Variants in ROBO2 observed in about 807,000 individuals in gnomAD.
The protein encoded by ROBO2 is roundabout homolog 2.
ROBO2 carries 53 observed loss-of-function variants against 160.8 expected under a neutral mutation model. That is an observed-to-expected ratio of 0.33 (90% CI 0.26 to 0.41). The LOEUF is 0.41. Among genes scored for constraint, ROBO2 ranks in the 10% least tolerant of loss-of-function variants. ROBO2 has a pLI of 1.00. For synonymous variants in ROBO2, 664 were observed against 611.7 expected (o/e 1.09, Z -1.26); for missense variants, 1,577 against 1,722.4 (o/e 0.92, Z 1.49).
intron 2 of ROBO2, among the ~76,000 whole-genome samples, chr3:76,519,263 C>A (rs2081482861): frequency 6.6e-6 from 1 of 152,190 alleles, no homozygotes; most frequent in South Asian, 2.1e-4. Context: ...TTTACTGGAG[C>A]ACAGCCATCC....
chr3:76,596,639 T>C (rs1303046710), intron 2 of ROBO2, among the ~76,000 whole-genome samples: 1 of 152,136 alleles, frequency 6.6e-6, no homozygotes, highest in African/African-American at 2.4e-5. Flanking sequence ...TGACTGAAGC[T>C]ACTAGGCCAT....
chr3:76,854,057 TC>T (rs1559605388), intron 2 of ROBO2, among the ~76,000 whole-genome samples: 1 of 91,470 alleles, frequency 1.1e-5, no homozygotes, highest in Admixed American at 1.2e-4. Context: ...TCTCTCTCTC[TC>T]TCTCTCTCTT....
At chr3:77,531,528 C>A (rs148788132) in intron 6 of ROBO2, among the ~76,000 whole-genome samples, 10 of 79,068 alleles carry the variant, frequency 1.3e-4, no homozygotes, top group African/African-American at 5.2e-4. Context: ...TCTGAGGCCA[C>A]CAAGAAGTCC....
At chr3:76,173,086 G>A (rs1179594322) in intron 2 of ROBO2, among the ~76,000 whole-genome samples, 1 of 149,866 alleles carries the variant, frequency 6.7e-6, no homozygotes, top group African/African-American at 2.5e-5. Flanking sequence ...GGGCATTACA[G>A]TAGAGAATTA....
At chr3:76,837,761 AG>A (rs1340336455) in intron 2 of ROBO2, among the ~76,000 whole-genome samples, 1 of 151,914 alleles carries the variant, frequency 6.6e-6, no homozygotes, top group Non-Finnish European at 1.5e-5. Flanking sequence ...TCATAACCAC[AG>A]TATAGTTATG....
intron 2 of ROBO2, among the ~76,000 whole-genome samples, chr3:77,293,600 C>T (rs1580777642): frequency 6.9e-6 from 1 of 144,996 alleles, no homozygotes; most frequent in Admixed American, 7.1e-5. Context: ...GGCTAGATCA[C>T]CCCAGACACA....
chr3:77,064,350 A>G (rs934970102), intron 1 of ROBO2, among the ~76,000 whole-genome samples: 2 of 141,430 alleles, frequency 1.4e-5, no homozygotes, highest in African/African-American at 5.2e-5. Flanking sequence ...TAAAATTAAT[A>G]CTTGGATGTA....
intron 2 of ROBO2, chr3:77,317,141 C>T: frequency 9.1e-7 from 1 of 1,102,708 alleles, no homozygotes; most frequent in Non-Finnish European, 1.4e-6. Context: ...AGTCTCAAAA[C>T]GCATCTGGTA....
rs190906706 is a variant in ROBO2, at chr3:76,003,621, G to A, written c.109+66019G>A. ...TTTCATGTGTATGAGCTCCACATTC[G>A]CAGATTCAACCAACTATGGATAGAA... On this transcript the variant is annotated intron_variant, in intron 2 of 26. Transcript: ENST00000487694. Among the ~76,000 whole-genome samples the A allele has an allele frequency of 2.0e-3, 300 of 152,210 alleles. No homozygotes were observed. The Middle Eastern group carries it at 0.02, about 10-fold the overall frequency.
intron 2 of ROBO2, among the ~76,000 whole-genome samples, chr3:76,187,067 TAAAA>T (rs5850236): frequency 6.6e-6 from 1 of 150,418 alleles, no homozygotes; most frequent in African/African-American, 2.4e-5. Flanking sequence ...TTTCAAGACT[TAAAA>T]AAAAAACTTT....
In ROBO2 at chr3:76,567,765, G is replaced by C. The variant is rs371775387; in HGVS notation, c.110-530249G>C. On this transcript the variant is annotated intron_variant, in intron 2 of 26. Transcript: ENST00000487694. The stretch of plus-strand genomic sequence containing the variant: ...GTTTTATATATATATATATCTGTCT[G>C]TGTGTGTGTGTGTGTGTGTGTGTGT... Among the ~76,000 whole-genome samples, 4 of 63,528 alleles carry C rather than the reference G, an allele frequency of 6.3e-5. No individual in the cohort carries two copies. The East Asian group carries it at 1.1e-3, about 18-fold the overall frequency. The allele number at this position is 63,528 out of a possible 152,430, so 41.7% of individuals were successfully genotyped here.
intron 1 of ROBO2, among the ~76,000 whole-genome samples, chr3:77,076,767 G>T (rs1022674664): frequency 2.6e-5 from 4 of 152,136 alleles, no homozygotes; most frequent in Non-Finnish European, 4.4e-5. Flanking sequence ...CCTAATTAAA[G>T]CTATAAGCTT....
chr3:76,355,555 C>A (rs1417397896), intron 2 of ROBO2, among the ~76,000 whole-genome samples: 1 of 151,712 alleles, frequency 6.6e-6, no homozygotes, highest in African/African-American at 2.4e-5. Flanking sequence ...TGCAAATATT[C>A]TAACCTATAT....
intron 2 of ROBO2, among the ~76,000 whole-genome samples, chr3:77,110,275 A>G (rs898856073): frequency 6.6e-6 from 1 of 152,162 alleles, no homozygotes; most frequent in South Asian, 2.1e-4. Context: ...AAAAAGAAAT[A>G]TGATAATAGC....
chr3:77,563,238 A>G lies in ROBO2; in HGVS notation c.1591A>G (p.Thr531Ala), dbSNP rs1334534464. 1.9e-6 allele frequency: 3 copies of G among 1,613,550 alleles called. No homozygotes were observed. The highest frequency in any genetic ancestry group is 2.5e-6 in the Non-Finnish European group (3 of 1,179,772). ...AGGGCCACCATCCAAACCGCAGGTC[A>G]CTGATGTTACTAAGAACAGTGTCAC... The change falls in exon 11 of 26, where the codon ACT becomes GCT. Residue 531 changes from threonine to alanine, a missense_variant. Thr to Ala is a moderately conservative substitution (Grantham distance 58). Transcript: ENST00000461745.
chr3:76,869,544 T>C (rs1020629841), intron 2 of ROBO2, among the ~76,000 whole-genome samples: 6 of 151,526 alleles, frequency 4.0e-5, no homozygotes, highest in Admixed American at 1.3e-4. Flanking sequence ...GGAGACGGGG[T>C]TTCACCGTGT....
chr3:76,255,189 A>G (rs1372094006), intron 2 of ROBO2, among the ~76,000 whole-genome samples: 3 of 152,126 alleles, frequency 2.0e-5, no homozygotes. Context: ...GAGAGGCTTC[A>G]TCTGGTGATA....
At chr3:77,002,846 C>A (rs2061398268) in intron 2 of ROBO2, among the ~76,000 whole-genome samples, 1 of 152,006 alleles carries the variant, frequency 6.6e-6, no homozygotes, top group African/African-American at 2.4e-5. Context: ...AGTCTATGTT[C>A]AGAATACATA....
intron 2 of ROBO2, among the ~76,000 whole-genome samples, chr3:77,437,756 CA>C (rs1181924853): frequency 1.3e-5 from 2 of 151,874 alleles, no homozygotes; most frequent in African/African-American, 4.8e-5. Context: ...CCTACTTACT[CA>C]AAACTCTTTT....
Sources: gnomAD v4.1 joint callset for allele counts (sites outside exome capture counted in the v4.1 genomes callset) on GRCh38, gnomAD v4.1.1 for gene constraint, MANE v1.5 for transcripts, NCBI Gene and HGNC (gene_info 2026-07-23, HGNC 2026-07-21) for gene names.